The following FNDC3A variants were observed in gnomAD, a reference collection of about 807,000 sequenced individuals.
FNDC3A encodes fibronectin type-III domain-containing protein 3A.
Under a neutral mutation model 148.9 loss-of-function variants are expected in FNDC3A, and 32 were observed. The observed-to-expected ratio is 0.21, with a 90% CI of 0.16 to 0.29. The LOEUF (loss-of-function observed/expected upper bound fraction) is 0.29. Among genes scored for constraint, FNDC3A ranks in the 10% least tolerant of loss-of-function variants. The probability of loss-of-function intolerance (pLI) is 1.00; values close to 1 mark genes in which losing one functional copy is unlikely to be tolerated. For missense variants in FNDC3A, 1,191 were observed against 1,452.8 expected (o/e 0.82, Z 2.93); for synonymous variants, 472 against 473.6 (o/e 1.00, Z 0.04).
chr13:49,038,677 G>T (rs1351006128), intron 2 of FNDC3A, among the ~76,000 whole-genome samples: 1 of 152,038 alleles, frequency 6.6e-6, no homozygotes, highest in East Asian at 1.9e-4. Flanking sequence ...TTGAATTCTG[G>T]GTTGATTTTC....
chr13:49,091,574 T>C (rs981987326), intron 3 of FNDC3A, among the ~76,000 whole-genome samples: 1 of 152,238 alleles, frequency 6.6e-6, no homozygotes, highest in Admixed American at 6.5e-5. Flanking sequence ...TTCACTGTTG[T>C]CCTTCAAGAA....
intron 17 of FNDC3A, among the ~76,000 whole-genome samples, chr13:49,190,389 G>T (rs1301299228): frequency 2.0e-5 from 3 of 152,144 alleles, no homozygotes; most frequent in Non-Finnish European, 4.4e-5. Context: ...TTGGTGCAGT[G>T]ACAAATGTGT....
intron 3 of FNDC3A, among the ~76,000 whole-genome samples, chr13:49,093,470 C>G (rs1356810528): frequency 2.0e-5 from 3 of 152,156 alleles, no homozygotes; most frequent in African/African-American, 7.2e-5. Flanking sequence ...CTACATGTGA[C>G]TAACCTATTC....
At position 48,976,147 on chromosome 13, in the gene FNDC3A, G is replaced by C. The variant is rs1445241685; in HGVS notation, c.-70G>C. Reference sequence around the variant, plus strand: ...CCTAAGAAGAGGCGCCAGAGGAGCCGCCTTCTGCCTCAGAACGGCGTGACT... The same window carrying C: ...CCTAAGAAGAGGCGCCAGAGGAGCCCCCTTCTGCCTCAGAACGGCGTGACT... On this transcript the variant is annotated 5_prime_UTR_variant, in exon 1 of 26. Coordinates refer to ENST00000492622, the MANE Select transcript of FNDC3A (RefSeq NM_001079673.2). The C allele has an allele frequency of 6.6e-6, 1 of 152,262 alleles. No individual in the cohort carries two copies. Among genetic ancestry groups the C allele is most frequent in the Non-Finnish European group, 1.5e-5 (1 of 68,100 alleles). 9.4% of individuals were successfully genotyped at this position (152,262 alleles called of 1,614,324 possible).
intron 2 of FNDC3A, among the ~76,000 whole-genome samples, chr13:49,049,595 A>G (rs1172966433): frequency 6.6e-6 from 1 of 152,146 alleles, no homozygotes; most frequent in East Asian, 1.9e-4. Context: ...ATTTATACAC[A>G]TAAAGGTGTT....
chr13:49,086,331 G>A (rs957183468), intron 3 of FNDC3A, among the ~76,000 whole-genome samples: 7 of 152,160 alleles, frequency 4.6e-5, no homozygotes, highest in African/African-American at 1.2e-4. Flanking sequence ...ATTTATAGCC[G>A]TAGGTAATTT....
chr13:49,168,454 CT>C (rs373371058), intron 9 of FNDC3A, among the ~76,000 whole-genome samples, 158 bp from the exon 10 acceptor site: 72 of 146,860 alleles, frequency 4.9e-4, no homozygotes, highest in African/African-American at 7.2e-4. Flanking sequence ...AAAACTTGTC[CT>C]TTTTTTTTTA....
chr13:49,037,762 G>A (rs865909151), intron 2 of FNDC3A, among the ~76,000 whole-genome samples: 3 of 152,152 alleles, frequency 2.0e-5, no homozygotes, highest in Non-Finnish European at 2.9e-5. Context: ...TTATGGGAGC[G>A]GGAACTCGCA....
At chr13:49,166,184 G>A (rs1351807337) in intron 8 of FNDC3A, among the ~76,000 whole-genome samples, 3 of 152,230 alleles carry the variant, frequency 2.0e-5, no homozygotes, top group Non-Finnish European at 2.9e-5. Context: ...TATGCAGGCT[G>A]CTAGGGAATA....
chr13:49,019,605 A>G (rs1218703926), intron 2 of FNDC3A, among the ~76,000 whole-genome samples: 2 of 152,202 alleles, frequency 1.3e-5, no homozygotes, highest in East Asian at 3.8e-4. Context: ...AGCTGTTCCT[A>G]TTCGGCCATC....
At chr13:48,990,060 A>G (rs1951884062) in intron 1 of FNDC3A, among the ~76,000 whole-genome samples, 1 of 152,182 alleles carries the variant, frequency 6.6e-6, no homozygotes, top group African/African-American at 2.4e-5. Flanking sequence ...CATAAAGGAA[A>G]TCTTAAAAGC....
intron 3 of FNDC3A, among the ~76,000 whole-genome samples, chr13:49,095,668 A>G (rs954173651): frequency 2.6e-5 from 4 of 152,102 alleles, no homozygotes; most frequent in African/African-American, 9.7e-5. Flanking sequence ...AGGACAACTG[A>G]ATCACAAACA....
rs1174475518 is a variant in FNDC3A at position 49,075,216 on chromosome 13, G to A, written c.100-73G>A. ...TCATAAGGTTAAATAGCTTATATCT[G>A]CTCTGTTACTATTTTTATATTCTGA... On this transcript the variant is annotated intron_variant, in intron 2 of 25. Transcript: ENST00000492622. The A allele has an allele frequency of 5.1e-5, 43 of 846,338 alleles. No individual in the cohort carries two copies. In the East Asian group the frequency reaches 1.1e-3, roughly 21 times the overall value. The allele number at this position is 846,338 out of a possible 1,614,324, so 52.4% of individuals were successfully genotyped here. A position where few individuals can be genotyped will look rare whatever the true frequency, so the allele number is the denominator to read the frequency against.
chr13:49,058,016 G>A (rs1013545013), intron 2 of FNDC3A, among the ~76,000 whole-genome samples: 6 of 152,074 alleles, frequency 3.9e-5, no homozygotes, highest in African/African-American at 1.2e-4. Context: ...CTCTAAAGAA[G>A]TAATTAAGGT....
Position 48,982,097 on chromosome 13 carries a change from T to C in FNDC3A, c.-40+5920T>C, listed in dbSNP as rs189416163. On this transcript the variant is annotated intron_variant, in intron 1 of 25. Transcript: ENST00000492622. ...TTAGAAAGTAATTACGTGCTTTGCT[T>C]TATAGAAGTATATGCCATATACAGC... 3.5e-3 allele frequency among the ~76,000 whole-genome samples: 528 copies of C among 152,236 alleles called. 10 individuals are homozygous for C. Among genetic ancestry groups the C allele is most frequent in the East Asian group, 5.6e-3 (29 of 5,190 alleles).
intron 2 of FNDC3A, among the ~76,000 whole-genome samples, chr13:49,059,167 A>G (rs1876474592): frequency 6.6e-6 from 1 of 152,256 alleles, no homozygotes; most frequent in Admixed American, 6.5e-5. Flanking sequence ...ATCCGCATGC[A>G]AAACAATGAA....
intron 14 of FNDC3A, among the ~76,000 whole-genome samples, chr13:49,185,468 A>C (rs560040444): frequency 2.3e-4 from 35 of 152,198 alleles, no homozygotes; most frequent in Admixed American, 3.9e-4. Context: ...TCACCACATG[A>C]GTTTTTCCAT....
chr13:48,994,679 G>A (rs1951990352), intron 1 of FNDC3A, among the ~76,000 whole-genome samples: 1 of 152,076 alleles, frequency 6.6e-6, no homozygotes. Context: ...TCCGGAGGCT[G>A]AGGCAGGAGA....
intron 4 of FNDC3A, among the ~76,000 whole-genome samples, chr13:49,115,198 T>A (rs56322128): frequency 0.034 from 4,773 of 140,264 alleles, 119 homozygotes; most frequent in Middle Eastern, 0.059. Flanking sequence ...GGGGGGGAAA[T>A]AAAAAAAAAA....
Sources: allele counts gnomAD v4.1 joint callset (sites outside exome capture counted in the v4.1 genomes callset), GRCh38; gene constraint gnomAD v4.1.1; transcripts MANE v1.5; gene names NCBI Gene and HGNC (gene_info 2026-07-23, HGNC 2026-07-21).